The following TNS1 variants were observed in gnomAD, a reference collection of about 807,000 sequenced individuals.
TNS1 encodes the protein tensin 1.
A neutral mutation model predicts 168.6 loss-of-function variants in TNS1; 62 were observed. The observed-to-expected ratio is 0.37, with a 90% confidence interval of 0.30 to 0.45. TNS1 has a LOEUF of 0.45. Among genes scored for constraint, TNS1 ranks in the 20% least tolerant of loss-of-function variants. The pLI, the probability that TNS1 is intolerant of heterozygous loss-of-function variation, is 1.00. For synonymous variants in TNS1, 934 were observed against 933.2 expected (o/e 1.00, Z -0.02); for missense variants, 2,240 against 2,339.4 (o/e 0.96, Z 0.88).
intron 25 of TNS1, among the ~76,000 whole-genome samples, chr2:217,814,256 TC>T (rs1450002765): frequency 6.6e-6 from 1 of 152,094 alleles, no homozygotes; most frequent in Non-Finnish European, 1.5e-5. Context: ...CCCCAAGTGA[TC>T]CCCCTGCCTT....
chr2:217,821,995 G>A (rs745694716), intron 22 of TNS1, 57 bp from the exon 23 acceptor site: 12 of 1,499,266 alleles, frequency 8.0e-6, no homozygotes, highest in Non-Finnish European at 1.1e-5. Context: ...GTGCAGTGCA[G>A]GTCCCCCCCA....
At chr2:217,873,326 A>G (rs1189319218) in intron 18 of TNS1, among the ~76,000 whole-genome samples, 1 of 152,234 alleles carries the variant, frequency 6.6e-6, no homozygotes, top group Non-Finnish European at 1.5e-5. Flanking sequence ...GAAGATTGTA[A>G]GAGGAATTGT....
At chr2:217,901,414 T>C (rs950964859) in intron 6 of TNS1, among the ~76,000 whole-genome samples, 2 of 152,234 alleles carry the variant, frequency 1.3e-5, no homozygotes, top group African/African-American at 4.8e-5. Context: ...GTTGTTTTTG[T>C]TGTTACTTTT....
At chr2:217,941,004 T>C (rs1024643466) in intron 3 of TNS1, among the ~76,000 whole-genome samples, 2 of 152,190 alleles carry the variant, frequency 1.3e-5, no homozygotes, top group Non-Finnish European at 2.9e-5. Context: ...TGAGAGCAAC[T>C]GCCTTGCCTT....
At chr2:217,888,946 T>C (rs1219184070) in intron 12 of TNS1, among the ~76,000 whole-genome samples, 1 of 152,192 alleles carries the variant, frequency 6.6e-6, no homozygotes, top group Non-Finnish European at 1.5e-5. Flanking sequence ...TCAGAGATGT[T>C]ACTCTCTACC....
chr2:217,934,877 G>A (rs994413635), intron 3 of TNS1, among the ~76,000 whole-genome samples: 1 of 152,164 alleles, frequency 6.6e-6, no homozygotes, highest in Non-Finnish European at 1.5e-5. Context: ...GAGCCTCTCT[G>A]TTCAGAAAGA....
At chr2:217,827,373 T>A (rs1252537550) in intron 22 of TNS1, among the ~76,000 whole-genome samples, 2 of 152,100 alleles carry the variant, frequency 1.3e-5, no homozygotes, top group African/African-American at 4.8e-5. Flanking sequence ...GAATTTCCCA[T>A]CAAAGTATCA....
intron 19 of TNS1, among the ~76,000 whole-genome samples, chr2:217,844,529 G>A (rs1444550002): frequency 1.3e-5 from 2 of 152,090 alleles, no homozygotes; most frequent in Non-Finnish European, 2.9e-5. Context: ...CATTTTCTGT[G>A]CTCTCCTGTC....
chr2:217,884,312 C>CGGAT (rs949300533), intron 16 of TNS1, among the ~76,000 whole-genome samples: 2 of 150,522 alleles, frequency 1.3e-5, no homozygotes, highest in Non-Finnish European at 1.5e-5. Context: ...GATGGACAGA[C>CGGAT]GGATGGATGA....
At chr2:217,876,312 C>A (rs1474944994) in intron 18 of TNS1, among the ~76,000 whole-genome samples, 1 of 152,180 alleles carries the variant, frequency 6.6e-6, no homozygotes, top group African/African-American at 2.4e-5. Context: ...CACAGCGCCA[C>A]CCCTACCCAT....
chr2:217,920,317 C>T, intron 3 of TNS1, 81 bp from the exon 4 acceptor site: 1 of 700,198 alleles, frequency 1.4e-6, no homozygotes, highest in Middle Eastern at 2.4e-4. Context: ...CACCCCACAC[C>T]TCCCCCTGCT....
chr2:217,918,924 G>A (rs996085717), intron 4 of TNS1, among the ~76,000 whole-genome samples: 2 of 152,200 alleles, frequency 1.3e-5, no homozygotes, highest in Non-Finnish European at 2.9e-5. Flanking sequence ...GGGCTGGGCA[G>A]CACTGAGGCC....
intron 19 of TNS1, among the ~76,000 whole-genome samples, chr2:217,841,802 G>C (rs1002678171): frequency 6.6e-6 from 1 of 152,118 alleles, no homozygotes; most frequent in Non-Finnish European, 1.5e-5. Flanking sequence ...TCACACCCTG[G>C]CTCCTTACCA....
chr2:218,003,853 T>A (rs4674235), upstream of TNS1, among the ~76,000 whole-genome samples: 129,292 of 147,590 alleles, frequency 0.88, 56,768 homozygotes, highest in African/African-American at 0.97. Flanking sequence ...TTTCTTCCCC[T>A]CAGTGTCCCC....
intron 15 of TNS1, 60 bp from the exon 16 acceptor site, chr2:217,885,224 G>A: frequency 1.2e-6 from 2 of 1,608,620 alleles, no homozygotes; most frequent in Non-Finnish European, 1.7e-6. Context: ...CAGGTCCCAG[G>A]GAGCCTCCTT....
intron 8 of TNS1, among the ~76,000 whole-genome samples, chr2:217,895,388 GGAGA>G (rs147905922): frequency 1.3e-5 from 2 of 152,042 alleles, no homozygotes; most frequent in South Asian, 2.1e-4. Context: ...GGATGAAAAG[GGAGA>G]GAGAGAGAGA....
At chr2:217,960,428 A>C (rs1436791496) in intron 3 of TNS1, among the ~76,000 whole-genome samples, 1 of 152,140 alleles carries the variant, frequency 6.6e-6, no homozygotes, top group Non-Finnish European at 1.5e-5. Flanking sequence ...ACTCAGTCTC[A>C]GCCTCTTGGG....
chr2:217,951,632 G>A (rs577341501), intron 3 of TNS1, among the ~76,000 whole-genome samples: 4 of 152,122 alleles, frequency 2.6e-5, no homozygotes, highest in East Asian at 3.9e-4. Flanking sequence ...GGGCTCGCCC[G>A]CCCCTGCCTA....
chr2:217,859,926 A>G (rs1474813090), intron 18 of TNS1, among the ~76,000 whole-genome samples: 2 of 152,158 alleles, frequency 1.3e-5, no homozygotes, highest in Admixed American at 1.3e-4. Context: ...ACTTATTTGC[A>G]TATCAATTGA....
Sources: allele counts gnomAD v4.1 joint callset (sites outside exome capture counted in the v4.1 genomes callset), GRCh38; gene constraint gnomAD v4.1.1; transcripts MANE v1.5; gene names NCBI Gene and HGNC (gene_info 2026-07-23, HGNC 2026-07-21).